Variants in ANO2 observed in about 807,000 individuals in gnomAD.
ANO2 encodes the protein anoctamin 2.
Under a neutral mutation model 124.2 loss-of-function variants are expected in ANO2, and 101 were observed. The ratio of observed to expected loss-of-function variants is 0.81; its 90% CI spans 0.69 to 0.96. ANO2 has a LOEUF of 0.96. Among genes scored for constraint, ANO2 ranks in the 40% least tolerant of loss-of-function variants. The pLI, the probability that ANO2 is intolerant of heterozygous loss-of-function variation, is 0.00. For missense variants in ANO2, 1,293 were observed against 1,274.5 expected (o/e 1.01, Z -0.22); for synonymous variants, 486 against 482.5 (o/e 1.01, Z -0.09).
In ANO2 at chr12:5,635,451, C is replaced by G; in HGVS notation, c.1621-104G>C. On this transcript the variant is annotated intron_variant, in intron 15 of 24. Coordinates refer to ENST00000682330, the MANE Select transcript of ANO2 (RefSeq NM_001364791.2). The surrounding 1 kb of genome is among the most constrained non-coding windows in gnomAD (Gnocchi z 5.2). ...TTTGCTGTTATCAGATATTATTAAT[C>G]TGGAATCTTTTGTTGGGTAACAAGG... The G allele has an allele frequency of 1.1e-6, 1 of 937,174 alleles. No homozygotes were observed. Among genetic ancestry groups the G allele is most frequent in the Non-Finnish European group, 1.4e-6 (1 of 693,578 alleles). 58.1% of individuals were successfully genotyped at this position (937,174 alleles called of 1,614,324 possible).
At chr12:5,843,448 G>T (rs1276981774) in intron 4 of ANO2, among the ~76,000 whole-genome samples, 2 of 152,090 alleles carry the variant, frequency 1.3e-5, no homozygotes, top group African/African-American at 4.8e-5. Context: ...TACTTGGGAG[G>T]CTGCGGTATG....
rs370829559 is a variant in ANO2 at position 5,635,251 on chromosome 12, G to A, written c.1717C>T (p.Arg573Trp). The A allele has an allele frequency of 2.1e-5, 34 of 1,613,192 alleles. No individual in the cohort carries two copies. In the Admixed American group the frequency reaches 4.2e-4, roughly 20 times the overall value. The change falls in exon 16 of 25, where the codon CGG becomes TGG. Residue 573 changes from arginine to tryptophan, a missense_variant. Physicochemically the swap from Arg to Trp is moderately radical, Grantham distance 101 (BLOSUM62 -3). Transcript: ENST00000682330. The surrounding 1 kb of genome is among the most constrained non-coding windows in gnomAD (Gnocchi z 5.2). ...SLNKATRSNV[R>W]VTVTATAVII... The stretch of plus-strand genomic sequence containing the variant: ...ACTGCTGTTGCTGTCACTGTCACCC[G>A]GACATTGGAGCGTGTAGCCTTATTG...
chr12:5,714,822 A>G (rs1039192862), intron 14 of ANO2, among the ~76,000 whole-genome samples: 3 of 152,228 alleles, frequency 2.0e-5, no homozygotes, highest in Admixed American at 1.3e-4. Context: ...AACTATATAC[A>G]ACCGGGAAAG....
intron 3 of ANO2, among the ~76,000 whole-genome samples, chr12:5,861,381 TC>T (rs57026086): frequency 0.7 from 106,484 of 152,142 alleles, 38,627 homozygotes; most frequent in East Asian, 0.98. Flanking sequence ...TCTCCCGCAC[TC>T]CAGGCCCCTA....
At position 5,744,329 on chromosome 12, in the gene ANO2, G is replaced by A. The variant is rs768945803; in HGVS notation, c.1191-12C>T. On this transcript the variant is annotated splice_polypyrimidine_tract_variant and intron_variant, in intron 11 of 24. Coordinates refer to ENST00000682330, the MANE Select transcript of ANO2 (RefSeq NM_001364791.2). ...CACACATCTCTCTGCTGCAATAGAT[G>A]GAGGTTGTTGGGTCAGGTGGAGCTC... 1 of 1,613,786 alleles carries A rather than the reference G, an allele frequency of 6.2e-7. No homozygotes were observed. The highest frequency in any genetic ancestry group is 8.5e-7 in the Non-Finnish European group (1 of 1,179,722).
intron 3 of ANO2, among the ~76,000 whole-genome samples, chr12:5,905,362 G>A (rs141725066): frequency 1.2e-3 from 179 of 152,302 alleles, no homozygotes; most frequent in African/African-American, 4.1e-3. Context: ...GGTAGTATAC[G>A]CTTCATGGAG....
chr12:5,611,961 G>A (rs1454489880), intron 19 of ANO2, among the ~76,000 whole-genome samples: 1 of 152,170 alleles, frequency 6.6e-6, no homozygotes, highest in Non-Finnish European at 1.5e-5. Context: ...CTGCCTAAAA[G>A]CATCCCCTGA....
intron 11 of ANO2, among the ~76,000 whole-genome samples, chr12:5,748,807 CAA>C (rs933500847): frequency 3.4e-5 from 5 of 148,926 alleles, no homozygotes; most frequent in African/African-American, 1.2e-4. Context: ...AACTCCCAAT[CAA>C]GAGCACTTGC....
chr12:5,595,033 C>T lies in ANO2; in HGVS notation c.2233+4451G>A, dbSNP rs115157490. The stretch of plus-strand genomic sequence containing the variant: ...AAACCTCTTCAGAACATCCGTAGTT[C>T]ACCATCAATTAAGCCCTGCTTTGAA... On this transcript the variant is annotated intron_variant, in intron 20 of 24. Coordinates refer to ENST00000682330, the MANE Select transcript of ANO2 (RefSeq NM_001364791.2). 3.1e-3 allele frequency among the ~76,000 whole-genome samples: 468 copies of T among 152,324 alleles called. 7 individuals are homozygous for T. Among genetic ancestry groups the T allele is most frequent in the African/African-American group, 0.011 (452 of 41,580 alleles).
chr12:5,917,118 T>C (rs1279947332), intron 3 of ANO2, among the ~76,000 whole-genome samples: 1 of 151,944 alleles, frequency 6.6e-6, no homozygotes, highest in East Asian at 1.9e-4. Flanking sequence ...GGAACAACAA[T>C]CCAGGACCCC....
intron 13 of ANO2, among the ~76,000 whole-genome samples, chr12:5,735,183 C>T (rs977279082): frequency 2.0e-5 from 3 of 152,130 alleles, no homozygotes; most frequent in East Asian, 3.9e-4. Flanking sequence ...CACCCAGCCA[C>T]GGGCAGATCA....
At chr12:5,828,429 C>G (rs984341175) in intron 6 of ANO2, among the ~76,000 whole-genome samples, 1 of 152,204 alleles carries the variant, frequency 6.6e-6, no homozygotes, top group Non-Finnish European at 1.5e-5. Flanking sequence ...CCAGCCAGAC[C>G]GTGCACAGGA....
intron 4 of ANO2, among the ~76,000 whole-genome samples, chr12:5,845,305 C>T (rs1022585929): frequency 1.3e-5 from 2 of 151,572 alleles, no homozygotes; most frequent in African/African-American, 2.4e-5. Context: ...CTGTGGCTCA[C>T]GCCTGTAATC....
intron 1 of ANO2, among the ~76,000 whole-genome samples, chr12:5,940,852 A>C (rs1005913882): frequency 2.6e-5 from 4 of 152,208 alleles, no homozygotes; most frequent in African/African-American, 9.6e-5. Context: ...GGACACACAA[A>C]TGCCCATGAA....
At chr12:5,639,094 A>T (rs1946195628) in intron 15 of ANO2, among the ~76,000 whole-genome samples, 1 of 152,170 alleles carries the variant, frequency 6.6e-6, no homozygotes, top group South Asian at 2.1e-4. Flanking sequence ...CACAGAAAAA[A>T]GTTTTGGGAC....
At chr12:5,578,984 T>A (rs898435457) in intron 20 of ANO2, among the ~76,000 whole-genome samples, 3 of 152,220 alleles carry the variant, frequency 2.0e-5, no homozygotes, top group Non-Finnish European at 4.4e-5. Context: ...TGAGTTCCAA[T>A]AAAACTTTAT....
At chr12:5,805,558 A>C (rs1953164542) in intron 9 of ANO2, among the ~76,000 whole-genome samples, 1 of 152,202 alleles carries the variant, frequency 6.6e-6, no homozygotes, top group South Asian at 2.1e-4. Context: ...GCCTAAAAGG[A>C]AAGAAGAATC....
At chr12:5,792,403 T>C (rs1952724486) in intron 10 of ANO2, among the ~76,000 whole-genome samples, 1 of 152,250 alleles carries the variant, frequency 6.6e-6, no homozygotes, top group African/African-American at 2.4e-5. Context: ...CTTGATCACA[T>C]TACTTTTCCT....
At chr12:5,885,288 G>A (rs922928603) in intron 3 of ANO2, among the ~76,000 whole-genome samples, 10 of 152,200 alleles carry the variant, frequency 6.6e-5, no homozygotes, top group African/African-American at 2.4e-4. Flanking sequence ...CAAGTTGGGT[G>A]AGCTGATCTC....
Sources: allele counts gnomAD v4.1 joint callset (sites outside exome capture counted in the v4.1 genomes callset), GRCh38; gene constraint gnomAD v4.1.1; non-coding constraint Gnocchi (gnomAD v3.1); transcripts MANE v1.5; gene names NCBI Gene and HGNC (gene_info 2026-07-23, HGNC 2026-07-21).